FLT3LG: variants seen among roughly 807,000 people sequenced by gnomAD.
The protein encoded by FLT3LG is fms related receptor tyrosine kinase 3 ligand, also known as fms-related tyrosine kinase 3 ligand.
FLT3LG carries 8 observed loss-of-function variants against 30.9 expected under a neutral mutation model. The observed-to-expected ratio is 0.26, with a 90% CI of 0.15 to 0.47. The LOEUF is 0.47. FLT3LG is among the 20% of genes least tolerant of loss of function. The probability of loss-of-function intolerance (pLI) is 0.99; values close to 1 mark genes in which losing one functional copy is unlikely to be tolerated. For synonymous variants in FLT3LG, 123 were observed against 135.9 expected (o/e 0.91, Z 0.66); for missense variants, 278 against 306.2 (o/e 0.91, Z 0.69).
chr19:49,474,887 T>TGA (rs1178294343), intron 2 of FLT3LG, among the ~76,000 whole-genome samples: 1 of 53,872 alleles, frequency 1.9e-5, no homozygotes, highest in Non-Finnish European at 3.4e-5. Flanking sequence ...GAGGGGGAGA[T>TGA]AGAGGAGAGG....
At chr19:49,479,069 CA>C (rs2079501274) in intron 6 of FLT3LG, 22 bp downstream of exon 6, 1 of 1,595,520 alleles carries the variant, frequency 6.3e-7, no homozygotes, top group African/African-American at 1.3e-5. Context: ...CAGGCACCCC[CA>C]CTCCTTCCCC....
At chr19:49,484,669 G>T (rs1471255601) in intron 8 of FLT3LG, among the ~76,000 whole-genome samples, 1 of 151,544 alleles carries the variant, frequency 6.6e-6, no homozygotes, top group Non-Finnish European at 1.5e-5. Flanking sequence ...GCTAATTTTT[G>T]TATTTTTAGT....
chr19:49,483,362 C>T (rs968700351), intron 8 of FLT3LG, among the ~76,000 whole-genome samples: 6 of 151,954 alleles, frequency 3.9e-5, no homozygotes, highest in South Asian at 4.2e-4. Context: ...GTGATCCGCC[C>T]GCCTCAGCCT....
chr19:49,474,813 A>C, intron 2 of FLT3LG, 141 bp downstream of exon 2: 1 of 736,768 alleles, frequency 1.4e-6, no homozygotes, highest in Non-Finnish European at 2.1e-6. Flanking sequence ...GTGAGGGGAG[A>C]TGGATAGGAG....
chr19:49,483,250 C>G (rs545160888), intron 8 of FLT3LG, among the ~76,000 whole-genome samples: 5 of 151,852 alleles, frequency 3.3e-5, no homozygotes, highest in African/African-American at 9.7e-5. Context: ...CTCAGCCTCC[C>G]GAGTACCTGG....
chr19:49,479,668 ATTTTT>A (rs200699056), intron 6 of FLT3LG: 1 of 192,260 alleles, frequency 5.2e-6, no homozygotes, highest in Non-Finnish European at 1.1e-5. Context: ...CACGCGGCTA[ATTTTT>A]TTTTTTGTAT....
At chr19:49,474,468 CA>C in intron 1 of FLT3LG, 134 bp from the exon 2 acceptor site, 1 of 642,250 alleles carries the variant, frequency 1.6e-6, no homozygotes, top group Admixed American at 2.9e-5. Context: ...GGGGCAGACG[CA>C]GGAAGCCTGG....
In FLT3LG at chr19:49,480,433, A is replaced by G; in HGVS notation, c.617A>G (p.His206Arg). ...CTGCTGGCCGCTGCCTGGTGCCTGC[A>G]CTGGCAGAGGACGCGGCGGAGGACA... The part of the protein sequence containing the change: ...LLLLAAAWCL[H>R]WQRTRRRTPR... Residue 206 changes from histidine to arginine, a missense_variant, in exon 7 of 9, where the codon CAC (histidine) becomes CGC (arginine). His to Arg is a conservative substitution (Grantham distance 29). Around this residue, in one of 3 missense-constraint regions of FLT3LG, gnomAD observed 170 missense variants for 162.0 expected, o/e 1.05. Transcript: ENST00000597551. 6.2e-7 allele frequency: 1 copy of G among 1,602,334 alleles called. No individual in the cohort carries two copies. Among genetic ancestry groups the G allele is most frequent in the African/African-American group, 1.3e-5 (1 of 74,746 alleles).
chr19:49,480,657 G>A, intron 8 of FLT3LG, 37 bp downstream of exon 8: 4 of 1,571,164 alleles, frequency 2.5e-6, no homozygotes, highest in Non-Finnish European at 3.5e-6. Flanking sequence ...TGGACTTTGT[G>A]TCTGCAGGTT....
intron 8 of FLT3LG, among the ~76,000 whole-genome samples, chr19:49,485,629 G>A (rs1409602056): frequency 2.0e-5 from 3 of 152,036 alleles, no homozygotes; most frequent in Admixed American, 1.3e-4. Context: ...TGATCCGCCC[G>A]CCTCGACCTC....
chr19:49,477,040 G>A (rs1461780636), intron 5 of FLT3LG, among the ~76,000 whole-genome samples: 2 of 151,912 alleles, frequency 1.3e-5, no homozygotes, highest in Non-Finnish European at 2.9e-5. Context: ...CACAGGAATC[G>A]CTTGAACCCG....
Position 49,479,810 on chromosome 19 carries a change from G to GT in FLT3LG, c.482-478dup, listed in dbSNP as rs930028733. On this transcript the variant is annotated intron_variant, in intron 6 of 8. Coordinates refer to ENST00000597551, the MANE Select transcript of FLT3LG (RefSeq NM_001459.4). ...TGTGAGCCACCGCGCCCAGCCTATT[G>GT]TTTTTTTTTTCTAAGTCGGAGTCTT... The GT allele has an allele frequency of 7.2e-3, 831 of 115,536 alleles. 3 individuals carry two copies. Among genetic ancestry groups the GT allele is most frequent in the African/African-American group, 0.023 (674 of 29,658 alleles). The allele number at this position is 115,536 out of a possible 1,614,324, so 7.2% of individuals were successfully genotyped here. A position where few individuals can be genotyped will look rare whatever the true frequency, so the allele number is the denominator to read the frequency against.
chr19:49,479,725 C>T, intron 6 of FLT3LG: 1 of 174,134 alleles, frequency 5.7e-6, no homozygotes, highest in Non-Finnish European at 1.3e-5. Context: ...CCAGGATGGT[C>T]TCGATCTCCT....
At chr19:49,477,008 A>G (rs1601082792) in intron 5 of FLT3LG, among the ~76,000 whole-genome samples, 1 of 152,026 alleles carries the variant, frequency 6.6e-6, no homozygotes, top group South Asian at 2.1e-4. Context: ...TTAGCCGGGC[A>G]TGGTGGCTCA....
At chr19:49,485,248 C>CTTTTTTTT (rs55877586) in intron 8 of FLT3LG, among the ~76,000 whole-genome samples, 4 of 121,838 alleles carry the variant, frequency 3.3e-5, no homozygotes, top group Non-Finnish European at 6.5e-5. Flanking sequence ...TCTTTTTTTT[C>CTTTTTTTT]TTTTTTTTTT....
Position 49,476,324 on chromosome 19 carries a change from C to A in FLT3LG, c.199-99C>A. On this transcript the variant is annotated intron_variant, in intron 4 of 8. Coordinates refer to ENST00000597551, the MANE Select transcript of FLT3LG (RefSeq NM_001459.4). The surrounding 1 kb of genome is among the most constrained non-coding windows in gnomAD (Gnocchi z 5.3). ...CAGGAATCAGAGTCCTCAGCCCCTC[C>A]TCCCTCAGACCCAGGAGCCCCGGCC... The A allele has an allele frequency of 6.8e-7, 1 of 1,470,242 alleles. No individual in the cohort carries two copies. Among genetic ancestry groups the A allele is most frequent in the Non-Finnish European group, 9.4e-7 (1 of 1,060,032 alleles). 91.1% of individuals were successfully genotyped at this position (1,470,242 alleles called of 1,614,324 possible). A position where few individuals can be genotyped will look rare whatever the true frequency, so the allele number is the denominator to read the frequency against.
chr19:49,476,449 G>C lies in FLT3LG; in HGVS notation c.225G>C (p.Arg75=), dbSNP rs2079397638. The C allele has an allele frequency of 6.2e-7, 1 of 1,613,732 alleles. No homozygotes were observed. Residue 75 remains arginine, a synonymous_variant, in exon 5 of 9, where the codon CGG becomes CGC. Transcript: ENST00000597551. The surrounding 1 kb of genome is among the most constrained non-coding windows in gnomAD (Gnocchi z 5.3). ...QDEELCGGLW[R]LVLAQRWMER... is the part of the protein sequence containing the mutation. ...AGGAGCTCTGCGGGGGCCTCTGGCG[G>C]CTGGTCCTGGCACAGCGCTGGATGG...
chr19:49,478,992 G>A lies in FLT3LG; in HGVS notation c.426G>A (p.Lys142=). Residue 142 remains lysine (K), a synonymous_variant, in exon 6 of 9, where the codon AAG becomes AAA. Coordinates refer to ENST00000597551, the MANE Select transcript of FLT3LG (RefSeq NM_001459.4). ...QETSEQLVAL[K]PWITRQNFSR... is the part of the protein sequence containing the mutation. The stretch of plus-strand genomic sequence containing the variant: ...CCTCCGAGCAGCTGGTGGCGCTGAA[G>A]CCCTGGATCACTCGCCAGAACTTCT... 6.2e-7 allele frequency: 1 copy of A among 1,605,746 alleles called. No individual in the cohort carries two copies. The highest frequency in any genetic ancestry group is 1.1e-5 in the South Asian group (1 of 89,320).
chr19:49,484,957 C>A (rs1250085131), intron 8 of FLT3LG, among the ~76,000 whole-genome samples: 2 of 151,998 alleles, frequency 1.3e-5, no homozygotes, highest in Non-Finnish European at 2.9e-5. Context: ...TGGTGGCGTG[C>A]ACCCGTAATC....
Sources: gnomAD v4.1 joint callset for allele counts (sites outside exome capture counted in the v4.1 genomes callset) on GRCh38, gnomAD v4.1.1 for gene constraint, gnomAD v4.1.1 regional missense constraint, Gnocchi (gnomAD v3.1) non-coding constraint, MANE v1.5 for transcripts, NCBI Gene and HGNC (gene_info 2026-07-23, HGNC 2026-07-21) for gene names.